CLCN5: variants seen among roughly 807,000 people sequenced by gnomAD.
The protein encoded by CLCN5 is Cl-/H+ antiporter 5.
In CLCN5, 17 loss-of-function variants were observed where a neutral mutation model predicts 54.0. The observed-to-expected ratio is 0.31, with a 90% CI of 0.22 to 0.47. The LOEUF is 0.47. Among genes scored for constraint, CLCN5 ranks in the 20% least tolerant of loss-of-function variants. The probability of loss-of-function intolerance (pLI) is 1.00; values close to 1 mark genes in which losing one functional copy is unlikely to be tolerated. For synonymous variants in CLCN5, 222 were observed against 233.0 expected (o/e 0.95, Z 0.43); for missense variants, 448 against 646.7 (o/e 0.69, Z 3.33).
intron 9 of CLCN5, 147 bp from the exon 10 acceptor site, chrX:50,085,833 A>G: frequency 3.8e-6 from 2 of 532,215 alleles, no homozygotes; most frequent in Admixed American, 5.3e-5. Context: ...TTCAGCATAC[A>G]GTGTTTGAAT....
Position 50,068,944 on chromosome X carries a change from T to C in CLCN5, c.164-935T>C, listed in dbSNP as rs566101162. 5.3e-5 allele frequency among the ~76,000 whole-genome samples: 6 copies of C among 112,224 alleles called. No individual in the cohort carries two copies. The South Asian group carries it at 2.2e-3, about 42-fold the overall frequency. On this transcript the variant is annotated intron_variant, in intron 4 of 14. Transcript: ENST00000376091. ...CCATCAGATGATGTTGCTGAAATAT[T>C]TTGAATCAAGTTTAAGCCTTGTGTG...
chrX:49,937,896 A>G (rs1195298213), intron 3 of CLCN5, among the ~76,000 whole-genome samples: 3 of 111,704 alleles, frequency 2.7e-5, no homozygotes, highest in Non-Finnish European at 5.6e-5. Context: ...TAAATTACCT[A>G]ATATTTACCT....
At chrX:49,942,215 T>C (rs1926387992) in intron 3 of CLCN5, among the ~76,000 whole-genome samples, 1 of 86,827 alleles carries the variant, frequency 1.2e-5, no homozygotes, top group African/African-American at 4.3e-5. Flanking sequence ...TAAAATGTCC[T>C]TTCAAATTCA....
intron 3 of CLCN5, among the ~76,000 whole-genome samples, chrX:50,017,148 G>A (rs189011108): frequency 0.015 from 1,619 of 111,508 alleles, 26 homozygotes; most frequent in Non-Finnish European, 0.023. Context: ...AAAATACCAG[G>A]AAGTGTTGCT....
chrX:50,059,688 A>G (rs1217558319), intron 4 of CLCN5, among the ~76,000 whole-genome samples: 1 of 109,910 alleles, frequency 9.1e-6, no homozygotes, highest in Non-Finnish European at 1.9e-5. Flanking sequence ...CTAAATTGTC[A>G]TTAAATCTTG....
intron 3 of CLCN5, chrX:50,003,663 A>G (rs1930002543): frequency 6.7e-6 from 2 of 297,969 alleles, no homozygotes; most frequent in Non-Finnish European, 6.9e-6. Flanking sequence ...ACACACACCC[A>G]TGTGGTGGGA....
intron 3 of CLCN5, among the ~76,000 whole-genome samples, chrX:49,939,075 A>G (rs1926170549): frequency 9.0e-6 from 1 of 111,192 alleles, no homozygotes; most frequent in South Asian, 3.8e-4. Flanking sequence ...ATGCAAATCA[A>G]AACCACAATG....
At chrX:50,061,264 A>AT (rs1932853922) in intron 4 of CLCN5, among the ~76,000 whole-genome samples, 1 of 19,332 alleles carries the variant, frequency 5.2e-5, no homozygotes, top group Non-Finnish European at 7.8e-5. Flanking sequence ...TTTAAAAAAA[A>AT]TTTAGAAGAA....
chrX:50,026,032 C>T lies in CLCN5; in HGVS notation c.17-16284C>T, dbSNP rs1931372217. On this transcript the variant is annotated intron_variant, in intron 3 of 14. Coordinates refer to ENST00000376091, the MANE Select transcript of CLCN5 (RefSeq NM_001127898.4). ...TATGCATTCAATACTATAAATATCC[C>T]TCTAAGCACTGGTTTCACTGCATCC... 3.6e-5 allele frequency among the ~76,000 whole-genome samples: 4 copies of T among 112,003 alleles called. No homozygotes were observed. The South Asian group carries it at 1.5e-3, about 42-fold the overall frequency.
intron 3 of CLCN5, among the ~76,000 whole-genome samples, chrX:50,035,277 TAA>T (rs1931938846): frequency 1.8e-5 from 2 of 111,613 alleles, no homozygotes; most frequent in Non-Finnish European, 3.8e-5. Context: ...GATGAAGTAA[TAA>T]ACTCTTTTTA....
rs376410707 is a variant in CLCN5 at position 50,065,910 on chromosome X, C to G, written c.164-3969C>G. On this transcript the variant is annotated intron_variant, in intron 4 of 14. Transcript: ENST00000376091. ...CATCATTCTCAGTAAACTATCGCAA[C>G]AACAAAAAACCAAACACCGCATATT... Among the ~76,000 whole-genome samples the G allele has an allele frequency of 5.2e-4, 50 of 96,130 alleles. No homozygotes were observed. The South Asian group carries it at 6.9e-3, about 13-fold the overall frequency. The allele number at this position is 96,130 out of a possible 115,157, so 83.5% of individuals were successfully genotyped here. A position where few individuals can be genotyped will look rare whatever the true frequency, so the allele number is the denominator to read the frequency against.
intron 3 of CLCN5, among the ~76,000 whole-genome samples, chrX:49,979,651 A>G (rs1557177426): frequency 1.8e-5 from 2 of 111,654 alleles, no homozygotes; most frequent in Non-Finnish European, 1.9e-5. Context: ...AGAAATAAAA[A>G]TTATATATAT....
At chrX:49,982,031 G>C (rs1428548958) in intron 3 of CLCN5, among the ~76,000 whole-genome samples, 1 of 110,308 alleles carries the variant, frequency 9.1e-6, no homozygotes, top group Non-Finnish European at 1.9e-5. Context: ...TTCGTCCTCT[G>C]TTTTGCCCTG....
chrX:50,084,429 T>C (rs1433769140), intron 9 of CLCN5, among the ~76,000 whole-genome samples: 1 of 110,285 alleles, frequency 9.1e-6, no homozygotes, highest in Non-Finnish European at 1.9e-5. Context: ...TTGGCCAGGC[T>C]AGAATGCAGT....
At chrX:50,067,440 G>A (rs1569539951) in intron 4 of CLCN5, 1 of 181,163 alleles carries the variant, frequency 5.5e-6, no homozygotes, top group South Asian at 2.5e-4. Flanking sequence ...CCGACTGCCC[G>A]CAGTTTGATG....
At chrX:49,974,680 C>A (rs985167605) in intron 3 of CLCN5, among the ~76,000 whole-genome samples, 1 of 111,691 alleles carries the variant, frequency 9.0e-6, no homozygotes, top group African/African-American at 3.3e-5. Context: ...GGCTGTCTCC[C>A]AGATGAAGTG....
chrX:50,077,977 G>A (rs782622662), intron 7 of CLCN5, among the ~76,000 whole-genome samples: 91 of 104,728 alleles, frequency 8.7e-4, no homozygotes, highest in African/African-American at 2.9e-3. Context: ...GCAGTGAGCC[G>A]TGATCGCACC....
At chrX:49,972,112 GGTGTGTGT>G (rs61157983) in intron 3 of CLCN5, among the ~76,000 whole-genome samples, 9,152 of 86,459 alleles carry the variant, frequency 0.11, 482 homozygotes, top group African/African-American at 0.19. Context: ...TGCATTCTCT[GGTGTGTGT>G]GTGTGTGTGT....
intron 3 of CLCN5, among the ~76,000 whole-genome samples, chrX:50,040,378 C>T (rs782357635): frequency 1.3e-4 from 14 of 111,618 alleles, no homozygotes; most frequent in Non-Finnish European, 2.3e-4. Context: ...TAATTTTGTA[C>T]GTTATTAGTA....
Sources: gnomAD v4.1 joint callset for allele counts (sites outside exome capture counted in the v4.1 genomes callset) on GRCh38, gnomAD v4.1.1 for gene constraint, MANE v1.5 for transcripts, NCBI Gene and HGNC (gene_info 2026-07-23, HGNC 2026-07-21) for gene names.